Variants in NUFIP2 observed in about 807,000 individuals in gnomAD.
The protein encoded by NUFIP2 is nuclear FMR1 interacting protein 2.
A neutral mutation model predicts 56.9 loss-of-function variants in NUFIP2; 6 were observed. The ratio of observed to expected loss-of-function variants is 0.11; its 90% CI spans 0.06 to 0.21. NUFIP2 has a LOEUF of 0.21. Ranked by LOEUF, NUFIP2 falls within the 10% of genes least tolerant of loss-of-function variation. NUFIP2 has a pLI of 1.00. For synonymous variants in NUFIP2, 321 were observed against 298.2 expected (o/e 1.08, Z -0.79); for missense variants, 828 against 826.8 (o/e 1.00, Z -0.02).
rs530565251 is a variant in NUFIP2 at position 29,257,895 on chromosome 17, A to T, written c.*6644T>A. 3 of 152,298 alleles carry T rather than the reference A, an allele frequency of 2.0e-5. No homozygotes were observed. The East Asian group carries it at 5.8e-4, about 29-fold the overall frequency. 9.4% of individuals were successfully genotyped at this position (152,298 alleles called of 1,614,324 possible). A position where few individuals can be genotyped will look rare whatever the true frequency, so the allele number is the denominator to read the frequency against. On this transcript the variant is annotated 3_prime_UTR_variant, in exon 4 of 4. Coordinates refer to ENST00000225388, the MANE Select transcript of NUFIP2 (RefSeq NM_020772.3). ...AGACTAAGAACAAAAAAGATACAAC[A>T]AAAAAAGTAAATCACTTCCCCAGCT...
At chr17:29,271,327 A>T (rs142123908) in intron 2 of NUFIP2, among the ~76,000 whole-genome samples, 3,285 of 152,114 alleles carry the variant, frequency 0.022, 42 homozygotes, top group Middle Eastern at 0.034. Context: ...TCACGAGGTA[A>T]GGAGTTCGAT....
chr17:29,275,387 T>C (rs1474885786), intron 2 of NUFIP2, among the ~76,000 whole-genome samples: 1 of 152,038 alleles, frequency 6.6e-6, no homozygotes, highest in African/African-American at 2.4e-5. Flanking sequence ...CCAGGGAAAT[T>C]GATGTAACAT....
At chr17:29,288,016 A>G (rs2069188597) in intron 1 of NUFIP2, among the ~76,000 whole-genome samples, 1 of 152,100 alleles carries the variant, frequency 6.6e-6, no homozygotes, top group African/African-American at 2.4e-5. Context: ...AACAGAATCA[A>G]TCTACCCATC....
At chr17:29,283,022 T>C (rs927558119) in intron 2 of NUFIP2, among the ~76,000 whole-genome samples, 3 of 152,180 alleles carry the variant, frequency 2.0e-5, no homozygotes, top group South Asian at 2.1e-4. Flanking sequence ...TTATTTATTG[T>C]TCTAGAGGGG....
intron 2 of NUFIP2, 39 bp downstream of exon 2, chr17:29,285,953 G>A (rs1241056765): frequency 6.9e-7 from 1 of 1,449,720 alleles, no homozygotes; most frequent in East Asian, 2.3e-5. Context: ...ATACTAAATT[G>A]GCCAATAAAA....
At chr17:29,274,823 A>T (rs1205975110) in intron 2 of NUFIP2, among the ~76,000 whole-genome samples, 1 of 152,130 alleles carries the variant, frequency 6.6e-6, no homozygotes, top group Non-Finnish European at 1.5e-5. Flanking sequence ...TGTTAAGAAG[A>T]GATGAAGACA....
intron 2 of NUFIP2, among the ~76,000 whole-genome samples, chr17:29,270,625 G>A (rs757036446): frequency 3.3e-5 from 5 of 151,836 alleles, no homozygotes; most frequent in Non-Finnish European, 7.4e-5. Flanking sequence ...TATGTATATA[G>A]TAATAACTTG....
At chr17:29,270,938 T>C (rs1027872233) in intron 2 of NUFIP2, among the ~76,000 whole-genome samples, 8 of 152,222 alleles carry the variant, frequency 5.3e-5, no homozygotes, top group African/African-American at 1.9e-4. Context: ...TTCCCCTTTT[T>C]TTGAGAATAC....
intron 3 of NUFIP2, among the ~76,000 whole-genome samples, chr17:29,265,823 C>A (rs1217338717): frequency 6.6e-6 from 1 of 151,006 alleles, no homozygotes; most frequent in African/African-American, 2.4e-5. Flanking sequence ...AAGAATCAAT[C>A]TAGTTTAGTC....
In NUFIP2 at chr17:29,287,598, G is replaced by A. The variant is rs748342483; in HGVS notation, c.396C>T (p.Asp132=). The change falls in exon 2 of 4, where the codon GAC becomes GAT. Residue 132 remains aspartate (D), a synonymous_variant. Transcript: ENST00000225388. The part of the protein sequence containing the change: ...RVLNGNQQVV[D]TSLKQTVKAN... ...CCTTTACAGTCTGCTTCAGGCTAGT[G>A]TCTACAACTTGCTGGTTGCCATTGA... is the stretch of plus-strand genomic sequence containing the variant. The A allele has an allele frequency of 1.9e-6, 3 of 1,613,934 alleles. No homozygotes were observed. The East Asian group carries it at 6.7e-5, about 36-fold the overall frequency.
At chr17:29,280,980 G>A (rs891286811) in intron 2 of NUFIP2, among the ~76,000 whole-genome samples, 4 of 150,926 alleles carry the variant, frequency 2.7e-5, no homozygotes, top group South Asian at 2.1e-4. Flanking sequence ...GTGAGGCTCC[G>A]TCTCCAAAAA....
chr17:29,265,974 C>A (rs2069033734), intron 3 of NUFIP2, among the ~76,000 whole-genome samples: 1 of 152,038 alleles, frequency 6.6e-6, no homozygotes, highest in South Asian at 2.1e-4. Context: ...GGTATATTTT[C>A]TTTTCCTTTT....
intron 2 of NUFIP2, among the ~76,000 whole-genome samples, chr17:29,278,764 T>G (rs1241702865): frequency 6.6e-6 from 1 of 152,170 alleles, no homozygotes; most frequent in African/African-American, 2.4e-5. Flanking sequence ...AGTTAAATTT[T>G]AACTTCCAAA....
rs908815056 is a variant in NUFIP2, at chr17:29,293,910, A to ATGATGG, written c.144_149dup (p.His50_His51dup). ...GCAGGTATTGGTGAGGCTGCTGGTG[A>ATGATGG]TGATGGTGGTGGTGGTGGTTGTGGC... On this transcript the variant is annotated inframe_insertion, in exon 1 of 4. Coordinates refer to ENST00000225388, the MANE Select transcript of NUFIP2 (RefSeq NM_020772.3). The ATGATGG allele has an allele frequency of 6.2e-7, 1 of 1,613,464 alleles. No individual in the cohort carries two copies. The highest frequency in any genetic ancestry group is 1.3e-5 in the African/African-American group (1 of 74,732).
chr17:29,286,096 G>A lies in NUFIP2; in HGVS notation c.1898C>T (p.Thr633Ile). 1 of 1,614,048 alleles carries A rather than the reference G, an allele frequency of 6.2e-7. No homozygotes were observed. Among genetic ancestry groups the A allele is most frequent in the Non-Finnish European group, 8.5e-7 (1 of 1,179,952 alleles). ...CTGTTCTTTGGCAGAGCCTAACAAA[G>A]TGTTCGTAGGAGAGGCCAGAGGATT... The part of the protein sequence containing the change: ...SQNPLASPTN[T>I]LLGSAKEQRY... The change falls in exon 2 of 4, where the codon ACT (threonine) becomes ATT (isoleucine). Residue 633 changes from threonine to isoleucine, a missense_variant. Physicochemically the swap from Thr to Ile is moderately conservative, Grantham distance 89 (BLOSUM62 -1). Coordinates refer to ENST00000225388, the MANE Select transcript of NUFIP2 (RefSeq NM_020772.3).
At chr17:29,281,124 G>A (rs183385062) in intron 2 of NUFIP2, among the ~76,000 whole-genome samples, 27 of 148,984 alleles carry the variant, frequency 1.8e-4, no homozygotes, top group Admixed American at 2.7e-4. Flanking sequence ...CACAGACACC[G>A]TCACTATATG....
chr17:29,278,246 TTTA>T (rs1338618983), intron 2 of NUFIP2, among the ~76,000 whole-genome samples: 4 of 148,996 alleles, frequency 2.7e-5, no homozygotes, highest in African/African-American at 1.0e-4. Flanking sequence ...TCTCATGTAC[TTTA>T]TTATTATTTT....
chr17:29,279,699 G>C (rs2153011883), intron 2 of NUFIP2, among the ~76,000 whole-genome samples: 1 of 152,194 alleles, frequency 6.6e-6, no homozygotes, highest in South Asian at 2.1e-4. Flanking sequence ...TTTTTTTGTA[G>C]AAATCAGGAC....
chr17:29,264,828 A>C (rs1329234376), intron 3 of NUFIP2, among the ~76,000 whole-genome samples: 1 of 152,194 alleles, frequency 6.6e-6, no homozygotes, highest in Non-Finnish European at 1.5e-5. Flanking sequence ...TGAGGGCCTC[A>C]ACTCCTGCAG....
Sources: allele counts gnomAD v4.1 joint callset (sites outside exome capture counted in the v4.1 genomes callset), GRCh38; gene constraint gnomAD v4.1.1; transcripts MANE v1.5; gene names NCBI Gene and HGNC (gene_info 2026-07-23, HGNC 2026-07-21).